Variants in FBXL7 observed in about 807,000 individuals in gnomAD.
The protein encoded by FBXL7 is F-box/LRR-repeat protein 7.
In FBXL7, 12 loss-of-function variants were observed where a neutral mutation model predicts 38.3. The ratio of observed to expected loss-of-function variants is 0.31; its 90% CI spans 0.20 to 0.51. The LOEUF is 0.51. Among genes scored for constraint, FBXL7 ranks in the 20% least tolerant of loss-of-function variants. FBXL7 has a pLI of 0.98. For synonymous variants in FBXL7, 297 were observed against 300.9 expected, an observed-to-expected ratio of 0.99 and a Z score of 0.13; for missense variants, 567 against 676.4, an observed-to-expected ratio of 0.84 and a Z score of 1.79.
intron 1 of FBXL7, among the ~76,000 whole-genome samples, chr5:15,582,949 T>G (rs1033484585): frequency 3.9e-5 from 6 of 152,012 alleles, no homozygotes; most frequent in Admixed American, 1.3e-4. Context: ...TTTTTTTTTT[T>G]TGTGGGGATG....
At chr5:15,868,661 C>T (rs1157709911) in intron 2 of FBXL7, among the ~76,000 whole-genome samples, 1 of 152,068 alleles carries the variant, frequency 6.6e-6, no homozygotes, top group African/African-American at 2.4e-5. Context: ...TGAATTTTCA[C>T]CTCCACCTCA....
chr5:15,928,219 C>A lies in FBXL7; in HGVS notation c.457C>A (p.Leu153Ile), dbSNP rs1258271499. 2 of 1,610,516 alleles carry A rather than the reference C, an allele frequency of 1.2e-6. No individual in the cohort carries two copies. Among genetic ancestry groups the A allele is most frequent in the Non-Finnish European group, 8.5e-7 (1 of 1,178,630 alleles). The change falls in exon 3 of 4, where the codon CTC (leucine) becomes ATC (isoleucine). Residue 153 changes from leucine to isoleucine, a missense_variant. Transcript: ENST00000504595. The surrounding 1 kb of genome is among the most constrained non-coding windows in gnomAD (Gnocchi z 4.0). ...GTACAACCTGGCCTGGGACCCGCGG[C>A]TCTGGAGGACTATCCGCCTGACGGG... ...RWYNLAWDPR[L>I]WRTIRLTGET...
intron 1 of FBXL7, among the ~76,000 whole-genome samples, chr5:15,529,829 T>C (rs1002686047): frequency 6.6e-6 from 1 of 152,240 alleles, no homozygotes; most frequent in African/African-American, 2.4e-5. Context: ...CTTCCACAGA[T>C]GGTGTTGTAT....
chr5:15,595,233 G>A (rs988579776), intron 1 of FBXL7, among the ~76,000 whole-genome samples: 2 of 152,188 alleles, frequency 1.3e-5, no homozygotes, highest in African/African-American at 2.4e-5. Context: ...CCAAATGACT[G>A]TAAATGGTAC....
At chr5:15,846,404 G>A (rs1738904333) in intron 2 of FBXL7, among the ~76,000 whole-genome samples, 1 of 152,178 alleles carries the variant, frequency 6.6e-6, no homozygotes, top group East Asian at 1.9e-4. Context: ...TCTTAAATAT[G>A]TGAACCGAGG....
intron 2 of FBXL7, among the ~76,000 whole-genome samples, chr5:15,625,683 A>C (rs932244257): frequency 2.0e-5 from 3 of 152,270 alleles, no homozygotes; most frequent in African/African-American, 7.2e-5. Flanking sequence ...CCAGACAAAC[A>C]AACAAAAGCC....
chr5:15,768,152 G>GT (rs1190252374), intron 2 of FBXL7, among the ~76,000 whole-genome samples: 1 of 152,140 alleles, frequency 6.6e-6, no homozygotes, highest in South Asian at 2.1e-4. Flanking sequence ...AAGTGATGTT[G>GT]TTTTTTCCCA....
intron 2 of FBXL7, among the ~76,000 whole-genome samples, chr5:15,923,207 A>G (rs1304290932): frequency 1.3e-5 from 2 of 152,156 alleles, no homozygotes. Context: ...ATCAGCAGCT[A>G]TTGCCAATGT....
chr5:15,821,722 A>T (rs1247463514), intron 2 of FBXL7, among the ~76,000 whole-genome samples: 2 of 152,230 alleles, frequency 1.3e-5, no homozygotes, highest in Non-Finnish European at 2.9e-5. Flanking sequence ...GACTTTCCAG[A>T]TTTTAAGTGT....
Position 15,818,333 on chromosome 5 carries a change from G to A in FBXL7, c.128-109557G>A, listed in dbSNP as rs192679942. On this transcript the variant is annotated intron_variant, in intron 2 of 3. Transcript: ENST00000504595. Reference sequence around the variant, plus strand: ...TAAACTATGAGACATTAAAACAGAAGAGAAAACATTGTACCATCCCTTCTT... The same window carrying A: ...TAAACTATGAGACATTAAAACAGAAAAGAAAACATTGTACCATCCCTTCTT... Among the ~76,000 whole-genome samples the A allele has an allele frequency of 2.5e-3, 388 of 152,256 alleles. 3 individuals are homozygous for A. Among genetic ancestry groups the A allele is most frequent in the African/African-American group, 8.7e-3 (363 of 41,568 alleles).
intron 2 of FBXL7, among the ~76,000 whole-genome samples, chr5:15,790,198 A>T (rs74731649): frequency 2.6e-5 from 4 of 152,180 alleles, no homozygotes; most frequent in Non-Finnish European, 4.4e-5. Context: ...ATTGCTGTAC[A>T]TGATTTTTAA....
At chr5:15,876,625 C>G (rs1740220386) in intron 2 of FBXL7, among the ~76,000 whole-genome samples, 1 of 152,118 alleles carries the variant, frequency 6.6e-6, no homozygotes. Context: ...ACATGGACAT[C>G]AAAATAAGAA....
At chr5:15,769,215 A>G (rs765290156) in intron 2 of FBXL7, among the ~76,000 whole-genome samples, 2 of 152,196 alleles carry the variant, frequency 1.3e-5, no homozygotes, top group South Asian at 2.1e-4. Flanking sequence ...ACTGCCCAGT[A>G]TTCTATTCTG....
At chr5:15,797,210 A>G (rs1245514200) in intron 2 of FBXL7, among the ~76,000 whole-genome samples, 2 of 152,208 alleles carry the variant, frequency 1.3e-5, no homozygotes, top group Non-Finnish European at 2.9e-5. Flanking sequence ...GGCACAGCAT[A>G]CAAGACTAGG....
At chr5:15,545,989 A>C (rs1054960877) in intron 1 of FBXL7, among the ~76,000 whole-genome samples, 1 of 152,214 alleles carries the variant, frequency 6.6e-6, no homozygotes, top group East Asian at 1.9e-4. Context: ...TAATACACAC[A>C]CTGGATTTTC....
chr5:15,690,607 C>T (rs1743152112), intron 2 of FBXL7, among the ~76,000 whole-genome samples: 2 of 152,156 alleles, frequency 1.3e-5, no homozygotes, highest in South Asian at 4.1e-4. Context: ...AATAGATCCC[C>T]AGAACTTATT....
At chr5:15,741,602 A>G (rs1735895318) in intron 2 of FBXL7, among the ~76,000 whole-genome samples, 1 of 152,198 alleles carries the variant, frequency 6.6e-6, no homozygotes, top group Non-Finnish European at 1.5e-5. Flanking sequence ...GTATAAAAAA[A>G]GAGTTAAAAA....
At chr5:15,818,709 T>A (rs973247589) in intron 2 of FBXL7, among the ~76,000 whole-genome samples, 2 of 84,338 alleles carry the variant, frequency 2.4e-5, no homozygotes, top group African/African-American at 4.0e-5. Context: ...ATTTCGTGTG[T>A]GTGTGTGTGT....
intron 2 of FBXL7, among the ~76,000 whole-genome samples, chr5:15,634,509 G>C (rs974359420): frequency 1.3e-5 from 2 of 149,014 alleles, no homozygotes; most frequent in Non-Finnish European, 3.0e-5. Flanking sequence ...TTTAGTTGGG[G>C]GGGGGGTTTA....
Sources: allele counts gnomAD v4.1 joint callset (sites outside exome capture counted in the v4.1 genomes callset), GRCh38; gene constraint gnomAD v4.1.1; non-coding constraint Gnocchi (gnomAD v3.1); transcripts MANE v1.5; gene names NCBI Gene and HGNC (gene_info 2026-07-23, HGNC 2026-07-21).